COL10A1: variants seen among roughly 807,000 people sequenced by gnomAD.
COL10A1 encodes collagen alpha-1(X) chain.
COL10A1 carries 10 observed loss-of-function variants against 18.2 expected under a neutral mutation model. The ratio of observed to expected loss-of-function variants is 0.55; its 90% CI spans 0.34 to 0.93. The LOEUF is 0.93. COL10A1 is among the 40% of genes least tolerant of loss of function. COL10A1 has a pLI of 0.02. For missense variants in COL10A1, 897 were observed against 853.5 expected (o/e 1.05, Z -0.64); for synonymous variants, 330 against 316.6 (o/e 1.04, Z -0.45).
At chr6:116,172,843 C>G in the COL10A1 span, among the ~76,000 whole-genome samples, 1 of 151,976 alleles carries the variant, frequency 6.6e-6, no homozygotes, top group Non-Finnish European at 1.5e-5. Context: ...ATCTACTCTC[C>G]TTGTTTTTAT....
upstream of COL10A1, among the ~76,000 whole-genome samples, chr6:116,162,490 T>C (rs940836694): frequency 2.0e-5 from 3 of 152,246 alleles, no homozygotes; most frequent in African/African-American, 7.2e-5. Context: ...CATGAAGAGA[T>C]GTTGGATTTT....
In COL10A1 at chr6:116,149,909, G is replaced by T. The variant is rs73772285; in HGVS notation, c.-16+8705C>A. ...AGGACTTAACGGCTTTTTATCTAAA[G>T]CATAGTGTTCCCCCACTCACAGGTA... On this transcript the variant is annotated intron_variant, in intron 1 of 1. Transcript: ENST00000418500. Among the ~76,000 whole-genome samples the T allele has an allele frequency of 4.8e-3, 735 of 152,302 alleles. 11 individuals are homozygous for T. The highest frequency in any genetic ancestry group is 0.042 in the South Asian group (204 of 4,818).
At chr6:116,165,125 G>A in the COL10A1 span, among the ~76,000 whole-genome samples, 1 of 129,334 alleles carries the variant, frequency 7.7e-6, no homozygotes, top group African/African-American at 3.1e-5. Context: ...AAAATTATTG[G>A]CTGGCATTAT....
the COL10A1 span, among the ~76,000 whole-genome samples, chr6:116,212,116 CA>C: frequency 6.6e-6 from 1 of 151,934 alleles, no homozygotes; most frequent in Non-Finnish European, 1.5e-5. Context: ...AATTCTTTTT[CA>C]AATTTTTTAT....
chr6:116,182,222 A>AGAGTGTGTGTGTGTGTGTGTGTGTGT, the COL10A1 span, among the ~76,000 whole-genome samples: 25 of 124,602 alleles, frequency 2.0e-4, no homozygotes, highest in Non-Finnish European at 3.6e-4. Context: ...TTCCATGGAG[A>AGAGTGTGTGTGTGTGTGTGTGTGTGT]GTGTGTGTGT....
At chr6:116,216,335 T>C in the COL10A1 span, among the ~76,000 whole-genome samples, 206 of 151,908 alleles carry the variant, frequency 1.4e-3, 1 homozygote, top group African/African-American at 4.6e-3. Context: ...TTATATTTTA[T>C]ATTTTAGGTC....
At chr6:116,138,488 AT>A (rs1380414246) in intron 1 of COL10A1, among the ~76,000 whole-genome samples, 2 of 152,172 alleles carry the variant, frequency 1.3e-5, no homozygotes, top group Non-Finnish European at 2.9e-5. Flanking sequence ...TGAAAGAGCT[AT>A]GTTGTTTCAG....
intron 1 of COL10A1, among the ~76,000 whole-genome samples, chr6:116,142,603 T>TA (rs1280145620): frequency 1.3e-5 from 2 of 152,124 alleles, no homozygotes; most frequent in African/African-American, 4.8e-5. Flanking sequence ...GTTTTTTCCT[T>TA]AGAGTCAGGA....
At chr6:116,132,465 G>T (rs1407091375) in intron 1 of COL10A1, among the ~76,000 whole-genome samples, 1 of 151,008 alleles carries the variant, frequency 6.6e-6, no homozygotes, top group East Asian at 1.9e-4. Flanking sequence ...TTTTTAATTT[G>T]CTTATGAGTT....
chr6:116,207,611 T>TG, the COL10A1 span, among the ~76,000 whole-genome samples: 5 of 151,990 alleles, frequency 3.3e-5, no homozygotes, highest in Non-Finnish European at 1.5e-5. Context: ...ATAAACTTGT[T>TG]GCATTAGATT....
chr6:116,126,859 A>G (rs73772263), upstream of COL10A1, among the ~76,000 whole-genome samples: 3,353 of 152,286 alleles, frequency 0.022, 134 homozygotes, highest in African/African-American at 0.077. Context: ...CTTAAAAAAA[A>G]TATTATTGGC....
chr6:116,141,504 A>T (rs1779763029), intron 1 of COL10A1, among the ~76,000 whole-genome samples: 1 of 151,982 alleles, frequency 6.6e-6, no homozygotes, highest in South Asian at 2.1e-4. Context: ...TGGGACTCCA[A>T]GTCATTGTAT....
the COL10A1 span, among the ~76,000 whole-genome samples, chr6:116,207,931 A>G: frequency 6.6e-6 from 1 of 151,952 alleles, no homozygotes; most frequent in African/African-American, 2.4e-5. Context: ...AGTTTAGCAT[A>G]GTGTATACAT....
At chr6:116,138,065 G>A (rs1321280850) in intron 1 of COL10A1, among the ~76,000 whole-genome samples, 1 of 152,008 alleles carries the variant, frequency 6.6e-6, no homozygotes, top group Non-Finnish European at 1.5e-5. Flanking sequence ...GTGACAGAGT[G>A]AGACTCTGCT....
chr6:116,152,820 C>T (rs1285092961), intron 1 of COL10A1, among the ~76,000 whole-genome samples: 1 of 152,062 alleles, frequency 6.6e-6, no homozygotes, highest in East Asian at 1.9e-4. Flanking sequence ...CCAGAAACTC[C>T]AAATTGCTAA....
At chr6:116,163,141 A>AAAAAAAATATATATATATAT (rs761718922), upstream of COL10A1, among the ~76,000 whole-genome samples, 3 of 88,394 alleles carry the variant, frequency 3.4e-5, no homozygotes, top group African/African-American at 1.7e-4. Flanking sequence ...AAAAAAAAAA[A>AAAAAAAATATATATATATAT]ATATATATAT....
the COL10A1 span, among the ~76,000 whole-genome samples, chr6:116,167,559 T>C: frequency 6.6e-6 from 1 of 152,194 alleles, no homozygotes; most frequent in Non-Finnish European, 1.5e-5. Flanking sequence ...TTGATACCAG[T>C]TATTTGTACT....
chr6:116,177,889 A>G, the COL10A1 span, among the ~76,000 whole-genome samples: 2 of 152,164 alleles, frequency 1.3e-5, no homozygotes, highest in Non-Finnish European at 2.9e-5. Context: ...AAGGAAATGG[A>G]CTTTTTGCTG....
chr6:116,156,267 T>G (rs956668135), intron 1 of COL10A1, among the ~76,000 whole-genome samples: 7 of 152,192 alleles, frequency 4.6e-5, no homozygotes, highest in Admixed American at 4.6e-4. Flanking sequence ...CCCATTTCTC[T>G]AATTTTCCGG....
Sources: gnomAD v4.1 joint callset for allele counts (sites outside exome capture counted in the v4.1 genomes callset) on GRCh38, gnomAD v4.1.1 for gene constraint, MANE v1.5 for transcripts, NCBI Gene and HGNC (gene_info 2026-07-23, HGNC 2026-07-21) for gene names.